IMMP2L: variants seen among roughly 807,000 people sequenced by gnomAD.
The protein encoded by IMMP2L is mitochondrial inner membrane protease subunit 2.
IMMP2L carries 18 observed loss-of-function variants against 19.3 expected under a neutral mutation model. That is an observed-to-expected ratio of 0.93 (90% CI 0.64 to 1.38). IMMP2L has a LOEUF of 1.38. IMMP2L is among the 40% of genes most tolerant of loss of function. IMMP2L has a pLI of 0.00. For synonymous variants in IMMP2L, 76 were observed against 73.0 expected, an observed-to-expected ratio of 1.04 and a Z score of -0.21; for missense variants, 233 against 218.2, an observed-to-expected ratio of 1.07 and a Z score of -0.43.
chr7:111,403,069 C>T (rs1833602616), intron 3 of IMMP2L, among the ~76,000 whole-genome samples: 1 of 147,322 alleles, frequency 6.8e-6, no homozygotes, highest in Admixed American at 6.9e-5. Flanking sequence ...CAGGTGCAAG[C>T]TACCACGACC....
chr7:110,816,609 T>C (rs979561813), intron 5 of IMMP2L, among the ~76,000 whole-genome samples: 14 of 151,344 alleles, frequency 9.3e-5, no homozygotes, highest in Non-Finnish European at 2.1e-4. Flanking sequence ...CTAAGTCTCT[T>C]TGTAGGTCTC....
chr7:111,493,503 C>A (rs890339020), intron 2 of IMMP2L, among the ~76,000 whole-genome samples: 6 of 146,288 alleles, frequency 4.1e-5, no homozygotes, highest in African/African-American at 1.5e-4. Context: ...GAGATCGAGA[C>A]CATCCTGGCT....
chr7:111,509,164 G>T (rs1585428361), intron 2 of IMMP2L, among the ~76,000 whole-genome samples: 1 of 152,064 alleles, frequency 6.6e-6, no homozygotes, highest in Non-Finnish European at 1.5e-5. Context: ...TAAGAAAATG[G>T]TTCTCAAACT....
intron 3 of IMMP2L, among the ~76,000 whole-genome samples, chr7:111,058,276 A>T (rs1194154757): frequency 6.6e-6 from 1 of 152,182 alleles, no homozygotes; most frequent in East Asian, 1.9e-4. Context: ...AACTAATAAA[A>T]ATATTATCTA....
chr7:111,137,401 C>T lies in IMMP2L; in HGVS notation c.240-173836G>A, dbSNP rs116085378. ...TCATTTCACCATTTCCTAATCATGTCAAAAAAAATACGTTAAGCCAGAATT... is the reference window on the plus strand; with the variant it reads ...TCATTTCACCATTTCCTAATCATGTTAAAAAAAATACGTTAAGCCAGAATT... On this transcript the variant is annotated intron_variant, in intron 3 of 5. Transcript: ENST00000405709. 5.6e-3 allele frequency among the ~76,000 whole-genome samples: 856 copies of T among 151,656 alleles called. 10 individuals are homozygous for T. Among genetic ancestry groups the T allele is most frequent in the African/African-American group, 0.019 (779 of 41,360 alleles).
intron 4 of IMMP2L, among the ~76,000 whole-genome samples, chr7:110,922,336 C>T (rs1333809086): frequency 6.6e-6 from 1 of 152,130 alleles, no homozygotes; most frequent in Non-Finnish European, 1.5e-5. Flanking sequence ...TATAAAAATA[C>T]TAAGATGTTT....
chr7:110,870,020 T>C lies in IMMP2L; in HGVS notation c.408+16573A>G, dbSNP rs1808378892. 6.6e-6 allele frequency among the ~76,000 whole-genome samples: 1 copy of C among 152,130 alleles called. No individual in the cohort carries two copies. Among genetic ancestry groups the C allele is most frequent in the African/African-American group, 2.4e-5 (1 of 41,448 alleles). ...TTGGTGTCCCCAGATATTTCTACCA[T>C]TCTACCCCTCCTCCTAGTTTCAGCC... On this transcript the variant is annotated intron_variant, in intron 5 of 5. Transcript: ENST00000405709. The surrounding 1 kb of genome is among the most constrained non-coding windows in gnomAD (Gnocchi z 4.2).
chr7:110,787,408 G>A (rs748432480), intron 5 of IMMP2L, among the ~76,000 whole-genome samples: 31 of 151,930 alleles, frequency 2.0e-4, no homozygotes, highest in Non-Finnish European at 3.8e-4. Flanking sequence ...TGAGGGTAGA[G>A]GAGGGCTTAC....
intron 3 of IMMP2L, among the ~76,000 whole-genome samples, chr7:111,195,158 T>C (rs565507359): frequency 8.5e-5 from 13 of 152,250 alleles, no homozygotes; most frequent in Middle Eastern, 6.8e-3. Context: ...CTTCCATTTA[T>C]ATTTACATAA....
chr7:110,932,661 G>A (rs1356065052), intron 4 of IMMP2L, among the ~76,000 whole-genome samples: 1 of 152,106 alleles, frequency 6.6e-6, no homozygotes, highest in East Asian at 1.9e-4. Context: ...GCTCAAGAAT[G>A]CAGTTTTTAC....
intron 3 of IMMP2L, among the ~76,000 whole-genome samples, chr7:111,129,078 GA>G (rs1475898412): frequency 6.6e-6 from 1 of 151,848 alleles, no homozygotes; most frequent in African/African-American, 2.4e-5. Context: ...CATTTTAGAT[GA>G]AAAATCCAAA....
chr7:110,921,071 C>A (rs1031043259), intron 4 of IMMP2L, among the ~76,000 whole-genome samples: 1 of 152,130 alleles, frequency 6.6e-6, no homozygotes, highest in Non-Finnish European at 1.5e-5. Context: ...CTGCCAGCTT[C>A]TTAAATGAGA....
At chr7:111,163,919 G>A (rs968085140) in intron 3 of IMMP2L, among the ~76,000 whole-genome samples, 4 of 151,980 alleles carry the variant, frequency 2.6e-5, no homozygotes, top group African/African-American at 9.7e-5. Flanking sequence ...AGATGGGGAG[G>A]AGACCAAGAA....
intron 5 of IMMP2L, chr7:110,665,006 G>A (rs1312986104): frequency 1.3e-5 from 2 of 152,130 alleles, no homozygotes; most frequent in Non-Finnish European, 2.9e-5. Context: ...CTGGATGTCA[G>A]GGAAGGCTTC....
chr7:110,980,987 A>G (rs568327599), intron 3 of IMMP2L, among the ~76,000 whole-genome samples: 1 of 152,328 alleles, frequency 6.6e-6, no homozygotes, highest in African/African-American at 2.4e-5. Context: ...CCTGAACTAC[A>G]TTGTTTTTAA....
chr7:110,756,034 T>C (rs1299689121), intron 5 of IMMP2L, among the ~76,000 whole-genome samples: 2 of 152,074 alleles, frequency 1.3e-5, no homozygotes, highest in African/African-American at 2.4e-5. Context: ...GATAACCTTA[T>C]TAGCAGCTTT....
chr7:111,485,862 G>C (rs571950210), intron 3 of IMMP2L, among the ~76,000 whole-genome samples: 1 of 152,002 alleles, frequency 6.6e-6, no homozygotes, highest in South Asian at 2.1e-4. Context: ...CTTGGTTAGA[G>C]ATAGTCAGCA....
intron 1 of IMMP2L, among the ~76,000 whole-genome samples, chr7:111,537,828 G>A (rs2132894491): frequency 6.6e-6 from 1 of 152,002 alleles, no homozygotes; most frequent in South Asian, 2.1e-4. Flanking sequence ...ACCGTGCTGG[G>A]CCAGTTCCTC....
intron 3 of IMMP2L, among the ~76,000 whole-genome samples, chr7:111,070,815 TAGACACATCTTCA>T (rs1211847088): frequency 6.6e-6 from 1 of 152,202 alleles, no homozygotes; most frequent in African/African-American, 2.4e-5. Flanking sequence ...TAAATATAAG[TAGACACATCTTCA>T]AGTTGTAGTT....
Sources: allele counts gnomAD v4.1 joint callset (sites outside exome capture counted in the v4.1 genomes callset), GRCh38; gene constraint gnomAD v4.1.1; non-coding constraint Gnocchi (gnomAD v3.1); transcripts MANE v1.5; gene names NCBI Gene and HGNC (gene_info 2026-07-23, HGNC 2026-07-21).